Variants in MYO3B observed in about 807,000 individuals in gnomAD.
MYO3B encodes myosin-IIIb.
Under a neutral mutation model 174.6 loss-of-function variants are expected in MYO3B, and 156 were observed. The ratio of observed to expected loss-of-function variants is 0.89; its 90% CI spans 0.78 to 1.02. The LOEUF is 1.02. MYO3B is among the 50% of genes least tolerant of loss of function. The pLI is 0.00. For missense variants in MYO3B, 1,632 were observed against 1,639.4 expected (o/e 1.00, Z 0.08); for synonymous variants, 563 against 569.1 (o/e 0.99, Z 0.15).
intron 1 of MYO3B, among the ~76,000 whole-genome samples, chr2:170,195,345 G>A (rs185912195): frequency 5.6e-4 from 85 of 152,162 alleles, no homozygotes; most frequent in Middle Eastern, 3.4e-3. Context: ...AAGAACAGAA[G>A]AACGGCAGAA....
chr2:170,412,607 C>T (rs1354968495), intron 22 of MYO3B, among the ~76,000 whole-genome samples: 1 of 152,202 alleles, frequency 6.6e-6, no homozygotes, highest in African/African-American at 2.4e-5. Context: ...AGCACTATAA[C>T]ACCTTCACTG....
intron 30 of MYO3B, among the ~76,000 whole-genome samples, chr2:170,527,972 G>T (rs1039643738): frequency 6.6e-6 from 1 of 152,196 alleles, no homozygotes; most frequent in Non-Finnish European, 1.5e-5. Flanking sequence ...AAATGAATAT[G>T]TGCTCCTTGA....
chr2:170,264,474 G>A (rs1387031261), intron 7 of MYO3B, among the ~76,000 whole-genome samples: 3 of 152,196 alleles, frequency 2.0e-5, no homozygotes, highest in African/African-American at 4.8e-5. Context: ...AAATCACAGG[G>A]CCAGCCCGGT....
At chr2:170,619,726 G>T (rs1199345992) in intron 32 of MYO3B, among the ~76,000 whole-genome samples, 1 of 99,082 alleles carries the variant, frequency 1.0e-5, no homozygotes, top group East Asian at 2.5e-4. Flanking sequence ...GCCCATCACT[G>T]CTGCCATATT....
intron 22 of MYO3B, among the ~76,000 whole-genome samples, chr2:170,423,041 G>A (rs2094630114): frequency 7.5e-6 from 1 of 133,062 alleles, no homozygotes; most frequent in Non-Finnish European, 1.5e-5. Flanking sequence ...GAATGCAATG[G>A]CATGATCTCA....
At chr2:170,345,575 G>C (rs1471837712) in intron 8 of MYO3B, among the ~76,000 whole-genome samples, 1 of 151,892 alleles carries the variant, frequency 6.6e-6, no homozygotes, top group Non-Finnish European at 1.5e-5. Flanking sequence ...GAGAATTTTT[G>C]CCTTTAAAAG....
At chr2:170,236,266 T>TTA in intron 7 of MYO3B, 130 bp downstream of exon 7, 1 of 1,207,676 alleles carries the variant, frequency 8.3e-7, no homozygotes. Flanking sequence ...ATATTTTCTT[T>TTA]GAAAAAGCAA....
chr2:170,407,966 A>T (rs1188752270), intron 22 of MYO3B, 122 bp downstream of exon 22: 1 of 1,213,024 alleles, frequency 8.2e-7, no homozygotes, highest in South Asian at 1.4e-5. Flanking sequence ...TTTAAGCAGG[A>T]GTAAGGGTCT....
At chr2:170,406,692 T>TTCTG (rs397789882) in intron 21 of MYO3B, among the ~76,000 whole-genome samples, 1 of 151,982 alleles carries the variant, frequency 6.6e-6, no homozygotes, top group African/African-American at 2.4e-5. Flanking sequence ...TCTTGACTCT[T>TTCTG]ACTATTTTCC....
intron 22 of MYO3B, among the ~76,000 whole-genome samples, chr2:170,413,732 A>G (rs1405386055): frequency 2.0e-5 from 3 of 152,022 alleles, no homozygotes; most frequent in African/African-American, 7.2e-5. Context: ...TTGTTCCAAA[A>G]CCATTTGTTG....
At chr2:170,435,901 G>A (rs1381864731) in intron 22 of MYO3B, among the ~76,000 whole-genome samples, 2 of 152,116 alleles carry the variant, frequency 1.3e-5, no homozygotes, top group Non-Finnish European at 2.9e-5. Context: ...CTGTCCTTTG[G>A]GGCAGTTAGT....
chr2:170,309,574 TTGA>T (rs1444127814), intron 7 of MYO3B, among the ~76,000 whole-genome samples: 1 of 152,220 alleles, frequency 6.6e-6, no homozygotes, highest in African/African-American at 2.4e-5. Flanking sequence ...GGGTGATTAT[TTGA>T]TGAAGTCTGT....
At chr2:170,602,157 C>T in intron 32 of MYO3B, 3 of 1,235,376 alleles carry the variant, frequency 2.4e-6, no homozygotes, top group Non-Finnish European at 1.2e-6. Flanking sequence ...TACACTCCTC[C>T]CGACAAGTTT....
chr2:170,346,900 G>C (rs150647512), intron 8 of MYO3B, among the ~76,000 whole-genome samples: 2 of 152,292 alleles, frequency 1.3e-5, no homozygotes, highest in Non-Finnish European at 2.9e-5. Context: ...CATCATGATC[G>C]CTTAGTGACA....
intron 1 of MYO3B, among the ~76,000 whole-genome samples, chr2:170,179,587 C>T (rs2092372315): frequency 1.3e-5 from 2 of 152,154 alleles, no homozygotes. Context: ...CTCTTGAGCT[C>T]TCACTCTCTT....
chr2:170,201,304 C>T (rs2092658703), intron 3 of MYO3B, among the ~76,000 whole-genome samples: 1 of 152,218 alleles, frequency 6.6e-6, no homozygotes, highest in Non-Finnish European at 1.5e-5. Context: ...CTGTTTTATT[C>T]TGGGCTCTGA....
chr2:170,554,767 T>C (rs977646853), intron 32 of MYO3B, among the ~76,000 whole-genome samples: 6 of 152,196 alleles, frequency 3.9e-5, no homozygotes, highest in African/African-American at 1.4e-4. Context: ...GCCCAGGACA[T>C]CAGGAGTGCA....
chr2:170,282,602 T>G (rs2093520572), intron 7 of MYO3B, among the ~76,000 whole-genome samples: 1 of 152,214 alleles, frequency 6.6e-6, no homozygotes, highest in Non-Finnish European at 1.5e-5. Flanking sequence ...TTTTTTGGTT[T>G]CACATAAATT....
In MYO3B at chr2:170,614,642, G is replaced by C. The variant is rs560780848; in HGVS notation, c.3734-36986G>C. 5.3e-5 allele frequency among the ~76,000 whole-genome samples: 8 copies of C among 152,302 alleles called. No individual in the cohort carries two copies. In the South Asian group the frequency reaches 1.7e-3, roughly 32 times the overall value. On this transcript the variant is annotated intron_variant, in intron 32 of 34. Coordinates refer to ENST00000408978, the MANE Select transcript of MYO3B (RefSeq NM_138995.5). ...ATTCTGATTCAGTAGGTCTGGAACA[G>C]ACTGAGATCCCATATTTCTGACAAT...
Sources: allele counts gnomAD v4.1 joint callset (sites outside exome capture counted in the v4.1 genomes callset), GRCh38; gene constraint gnomAD v4.1.1; transcripts MANE v1.5; gene names NCBI Gene and HGNC (gene_info 2026-07-23, HGNC 2026-07-21).